The following AUTS2 variants were observed in gnomAD, a reference collection of about 807,000 sequenced individuals.
AUTS2 encodes autism susceptibility gene 2 protein.
Under a neutral mutation model 112.4 loss-of-function variants are expected in AUTS2, and 17 were observed. That is an observed-to-expected ratio of 0.15 (90% CI 0.10 to 0.23). The LOEUF (loss-of-function observed/expected upper bound fraction) is 0.23, where lower values mean the gene tolerates loss of function less well. Ranked by LOEUF, AUTS2 falls within the 10% of genes least tolerant of loss-of-function variation. AUTS2 has a pLI of 1.00. For synonymous variants in AUTS2, 751 were observed against 702.7 expected (o/e 1.07, Z -1.09); for missense variants, 1,510 against 1,701.6 (o/e 0.89, Z 1.98).
At chr7:70,251,728 C>G (rs1484235329) in intron 4 of AUTS2, among the ~76,000 whole-genome samples, 1 of 152,056 alleles carries the variant, frequency 6.6e-6, no homozygotes, top group African/African-American at 2.4e-5. Flanking sequence ...AGTACCTAAT[C>G]TATTGTTAAT....
At chr7:70,773,102 GGTT>G (rs1790457571) in intron 11 of AUTS2, among the ~76,000 whole-genome samples, 1 of 152,208 alleles carries the variant, frequency 6.6e-6, no homozygotes, top group African/African-American at 2.4e-5. Context: ...ATGCAAATCA[GGTT>G]GTTAACAACT....
At chr7:70,485,949 C>T (rs1346639348) in intron 5 of AUTS2, among the ~76,000 whole-genome samples, 10 of 150,972 alleles carry the variant, frequency 6.6e-5, no homozygotes, top group Non-Finnish European at 1.3e-4. Flanking sequence ...GGACTGGCAA[C>T]CAAAGGCTGT....
chr7:70,750,779 A>G (rs11973302), intron 6 of AUTS2, among the ~76,000 whole-genome samples: 61,390 of 152,136 alleles, frequency 0.4, 14,422 homozygotes, highest in African/African-American at 0.65. Flanking sequence ...TGATTGTCCA[A>G]TGTGTGCCCC....
At chr7:69,984,641 A>G (rs78187517) in intron 2 of AUTS2, among the ~76,000 whole-genome samples, 12,650 of 152,170 alleles carry the variant, frequency 0.083, 625 homozygotes, top group East Asian at 0.13. Flanking sequence ...CCCCACGCTG[A>G]GAACAGTATC....
At chr7:69,602,020 GTATATATA>G (rs1173266676) in intron 1 of AUTS2, among the ~76,000 whole-genome samples, 3 of 68,384 alleles carry the variant, frequency 4.4e-5, no homozygotes, top group Non-Finnish European at 9.5e-5. Context: ...ATGTGTGTGT[GTATATATA>G]TATATATATA....
chr7:70,519,573 T>C (rs1180623093), intron 5 of AUTS2, among the ~76,000 whole-genome samples: 1 of 152,210 alleles, frequency 6.6e-6, no homozygotes, highest in African/African-American at 2.4e-5. Flanking sequence ...AAACTAACTT[T>C]GAGATAAGTC....
At chr7:70,334,536 C>G (rs1790904949) in intron 4 of AUTS2, among the ~76,000 whole-genome samples, 1 of 152,160 alleles carries the variant, frequency 6.6e-6, no homozygotes, top group South Asian at 2.1e-4. Context: ...AGGGCAGATT[C>G]TGAGTAGATC....
chr7:69,792,490 C>T (rs1360149179), intron 1 of AUTS2, among the ~76,000 whole-genome samples: 4 of 152,156 alleles, frequency 2.6e-5, no homozygotes, highest in Admixed American at 2.6e-4. Context: ...CCACCCGCCT[C>T]AGCTTCCCAA....
intron 1 of AUTS2, among the ~76,000 whole-genome samples, chr7:69,671,519 G>GTGTGTGTGTGTGTC (rs1796327479): frequency 6.7e-6 from 1 of 149,648 alleles, no homozygotes; most frequent in Non-Finnish European, 1.5e-5. Flanking sequence ...GTGTGTGTGT[G>GTGTGTGTGTGTGTC]TGTGTCTGTG....
intron 1 of AUTS2, among the ~76,000 whole-genome samples, chr7:69,814,664 C>A (rs1790681456): frequency 6.6e-6 from 1 of 152,244 alleles, no homozygotes; most frequent in Non-Finnish European, 1.5e-5. Flanking sequence ...TTTCAGCCTG[C>A]ACAGTGAATG....
chr7:70,111,162 A>G (rs892986556), intron 2 of AUTS2, among the ~76,000 whole-genome samples: 1 of 152,074 alleles, frequency 6.6e-6, no homozygotes, highest in Non-Finnish European at 1.5e-5. Context: ...TATAGGCATG[A>G]GCCACCGCGC....
intron 4 of AUTS2, among the ~76,000 whole-genome samples, chr7:70,267,671 G>C (rs6975967): frequency 1.3e-5 from 2 of 152,306 alleles, no homozygotes; most frequent in South Asian, 4.1e-4. Flanking sequence ...TTCAGATTCA[G>C]ATAAACTGAC....
intron 4 of AUTS2, among the ~76,000 whole-genome samples, chr7:70,192,543 G>C (rs1178152663): frequency 1.3e-5 from 2 of 152,190 alleles, no homozygotes; most frequent in Non-Finnish European, 2.9e-5. Flanking sequence ...GAGAAGCTGA[G>C]AGGGGGCCAG....
At chr7:70,080,886 A>G (rs922117239) in intron 2 of AUTS2, among the ~76,000 whole-genome samples, 2 of 152,234 alleles carry the variant, frequency 1.3e-5, no homozygotes, top group Non-Finnish European at 2.9e-5. Context: ...TACTCTATTT[A>G]AAAGAACATT....
chr7:69,674,796 G>A (rs1796483714), intron 1 of AUTS2, among the ~76,000 whole-genome samples: 1 of 152,116 alleles, frequency 6.6e-6, no homozygotes, highest in Admixed American at 6.5e-5. Context: ...TGCTTTGATT[G>A]CAGGTCAGAT....
chr7:70,764,979 G>C lies in AUTS2; in HGVS notation c.1442G>C (p.Gly481Ala), dbSNP rs752310034. 3.7e-6 allele frequency: 6 copies of C among 1,613,744 alleles called. No individual in the cohort carries two copies. The Admixed American group carries it at 1.0e-4, about 27-fold the overall frequency. ...PLTSGSLQVAGHPAGSTYSEQ... is the reference protein window; with the variant it reads ...PLTSGSLQVAAHPAGSTYSEQ... ...ACATCAGGAAGTCTGCAGGTGGCCG[G>C]ACACCCGGCCGGGAGCACTTACTCA... is the stretch of plus-strand genomic sequence containing the variant. The change falls in exon 8 of 19, where the codon GGA becomes GCA. Residue 481 changes from glycine to alanine, a missense_variant. Coordinates refer to ENST00000342771, the MANE Select transcript of AUTS2 (RefSeq NM_015570.4).
At chr7:70,563,772 A>G (rs1488273865) in intron 5 of AUTS2, among the ~76,000 whole-genome samples, 2 of 152,216 alleles carry the variant, frequency 1.3e-5, no homozygotes, top group Admixed American at 6.5e-5. Flanking sequence ...AGTGTGCTGC[A>G]TATGTATGTT....
chr7:70,639,791 G>A (rs1183384968), intron 5 of AUTS2, among the ~76,000 whole-genome samples: 2 of 151,456 alleles, frequency 1.3e-5, no homozygotes, highest in South Asian at 4.2e-4. Flanking sequence ...GGGACTATAA[G>A]GCCGAGTTCA....
chr7:70,417,411 T>C (rs1393155645), intron 4 of AUTS2, among the ~76,000 whole-genome samples: 1 of 152,208 alleles, frequency 6.6e-6, no homozygotes, highest in Non-Finnish European at 1.5e-5. Flanking sequence ...TCATCCTTCA[T>C]ACTGTCCCAG....
Sources: allele counts gnomAD v4.1 joint callset (sites outside exome capture counted in the v4.1 genomes callset), GRCh38; gene constraint gnomAD v4.1.1; transcripts MANE v1.5; gene names NCBI Gene and HGNC (gene_info 2026-07-23, HGNC 2026-07-21).